The following CARNMT1 variants were observed in gnomAD, a reference collection of about 807,000 sequenced individuals.
CARNMT1 encodes protein-L-histidine N-pros-methyltransferase CARNMT1.
A neutral mutation model predicts 49.6 loss-of-function variants in CARNMT1; 28 were observed. That is an observed-to-expected ratio of 0.56 (90% CI 0.42 to 0.77). The LOEUF is 0.77. Among genes scored for constraint, CARNMT1 ranks in the 30% least tolerant of loss-of-function variants. The pLI is 0.00. For missense variants in CARNMT1, 421 were observed against 512.6 expected (o/e 0.82, Z 1.73); for synonymous variants, 178 against 175.0 (o/e 1.02, Z -0.13).
chr9:75,027,964 A>G (rs771098791), intron 1 of CARNMT1, 48 bp downstream of exon 1: 7 of 1,507,232 alleles, frequency 4.6e-6, no homozygotes, highest in African/African-American at 1.5e-5. Flanking sequence ...CGCCGCCACC[A>G]GTGGGCGCCC....
intron 3 of CARNMT1, among the ~76,000 whole-genome samples, chr9:75,002,074 CTAA>C (rs1277122767): frequency 6.6e-6 from 1 of 152,086 alleles, no homozygotes; most frequent in East Asian, 1.9e-4. Context: ...TGTGACCTCC[CTAA>C]TAACAGGAGG....
At chr9:75,022,221 T>TC (rs1171993831) in intron 1 of CARNMT1, among the ~76,000 whole-genome samples, 1 of 132,174 alleles carries the variant, frequency 7.6e-6, no homozygotes, top group African/African-American at 2.8e-5. Context: ...TACTTTTTTT[T>TC]TTTTTTTTTT....
intron 1 of CARNMT1, among the ~76,000 whole-genome samples, chr9:75,027,807 G>C (rs944847441): frequency 6.6e-6 from 1 of 152,218 alleles, no homozygotes; most frequent in Non-Finnish European, 1.5e-5. Flanking sequence ...TGCAGCAGAC[G>C]GCGCGGCGGA....
At chr9:75,028,328 G>C (rs896145139), upstream of CARNMT1, 1 of 1,312,118 alleles carries the variant, frequency 7.6e-7, no homozygotes, top group Non-Finnish European at 9.6e-7. Context: ...TCTAGACGGC[G>C]CCCGCCGCGG....
chr9:74,989,412 G>GT (rs373769846), intron 6 of CARNMT1, among the ~76,000 whole-genome samples: 10 of 152,220 alleles, frequency 6.6e-5, no homozygotes, highest in South Asian at 2.1e-4. Context: ...ACGTCATCCA[G>GT]TTTTTTTATT....
intron 1 of CARNMT1, chr9:75,027,200 T>G: frequency 8.5e-7 from 1 of 1,169,954 alleles, no homozygotes; most frequent in East Asian, 5.8e-5. Flanking sequence ...GAATTATAAT[T>G]TTGTGATTAA....
intron 3 of CARNMT1, among the ~76,000 whole-genome samples, chr9:75,011,579 GT>G (rs1833691960): frequency 1.3e-5 from 2 of 152,148 alleles, no homozygotes; most frequent in Admixed American, 6.5e-5. Flanking sequence ...CATTGCCCAA[GT>G]TGGTCTTGAA....
chr9:75,021,423 GTATAAATAGTATATATAA>G (rs1448364085), intron 1 of CARNMT1, among the ~76,000 whole-genome samples: 5 of 144,236 alleles, frequency 3.5e-5, no homozygotes, highest in Admixed American at 7.0e-5. Flanking sequence ...ACTATATATA[GTATAAATAGTATATATAA>G]TATAAATAGT....
At chr9:75,027,296 C>T in intron 1 of CARNMT1, 1 of 634,860 alleles carries the variant, frequency 1.6e-6, no homozygotes, top group Non-Finnish European at 2.0e-6. Flanking sequence ...ACCACAGTGC[C>T]TAGCACACCA....
chr9:75,004,338 G>C (rs1833444372), intron 3 of CARNMT1, among the ~76,000 whole-genome samples: 1 of 152,098 alleles, frequency 6.6e-6, no homozygotes, highest in South Asian at 2.1e-4. Context: ...TCTTAACGTG[G>C]TTTTTACATT....
chr9:74,996,385 G>A, intron 6 of CARNMT1, 62 bp downstream of exon 6: 6 of 801,716 alleles, frequency 7.5e-6, no homozygotes, highest in Non-Finnish European at 1.2e-5. Context: ...GAAGTTAAAT[G>A]TAATACAGCT....
Position 74,996,565 on chromosome 9 carries a change from T to C in CARNMT1, c.911-5A>G, listed in dbSNP as rs747018816. ...TAGCAATACAGTCCCAGGTATCTAA[T>C]GAAGAAAAATCAAATTACTGCATCT... On this transcript the variant is annotated splice_region_variant and splice_polypyrimidine_tract_variant and intron_variant, in intron 5 of 7. Coordinates refer to ENST00000376834, the MANE Select transcript of CARNMT1 (RefSeq NM_152420.3). The C allele has an allele frequency of 4.0e-6, 6 of 1,512,404 alleles. No individual in the cohort carries two copies. In the Admixed American group the frequency reaches 1.3e-4, roughly 32 times the overall value. The allele number at this position is 1,512,404 out of a possible 1,614,324, so 93.7% of individuals were successfully genotyped here. A position where few individuals can be genotyped will look rare whatever the true frequency, so the allele number is the denominator to read the frequency against.
chr9:74,985,547 G>C (rs1364393211), intron 6 of CARNMT1, among the ~76,000 whole-genome samples: 1 of 151,578 alleles, frequency 6.6e-6, no homozygotes, highest in African/African-American at 2.4e-5. Context: ...TGTGTCTGTG[G>C]GCAATTCAAT....
chr9:75,027,418 C>G (rs889282581), intron 1 of CARNMT1: 2 of 985,228 alleles, frequency 2.0e-6, no homozygotes, highest in Admixed American at 1.2e-4. Flanking sequence ...GGACCACTTC[C>G]GCCCTTAATC....
chr9:74,987,888 CT>C (rs1192068874), intron 6 of CARNMT1, among the ~76,000 whole-genome samples: 1 of 151,954 alleles, frequency 6.6e-6, no homozygotes, highest in Non-Finnish European at 1.5e-5. Flanking sequence ...GAATTTGCAT[CT>C]CTTTGAGGCT....
chr9:75,014,965 C>A (rs1006528871), intron 3 of CARNMT1, among the ~76,000 whole-genome samples: 2 of 152,072 alleles, frequency 1.3e-5, no homozygotes, highest in Admixed American at 1.3e-4. Context: ...TCAATCAATA[C>A]GGAGGCAAAG....
chr9:75,016,268 C>T lies in CARNMT1; in HGVS notation c.590G>A (p.Trp197Ter). 6.2e-7 allele frequency: 1 copy of T among 1,609,514 alleles called. No homozygotes were observed. Among genetic ancestry groups the T allele is most frequent in the South Asian group, 1.1e-5 (1 of 90,464 alleles). ...EILKNFPKER[W>*]DPSKVNILVP... Reference sequence around the variant, plus strand: ...TGGTTAAAAATGAGGTACTATTTACCATCTCTCTTTTGGAAAATTTTTTAA... The same window carrying T: ...TGGTTAAAAATGAGGTACTATTTACTATCTCTCTTTTGGAAAATTTTTTAA... The change falls in exon 3 of 8, where the codon TGG becomes TAG. Residue 197 changes from tryptophan (W) to a stop codon, truncating the protein, a stop_gained and splice_region_variant. Coordinates refer to ENST00000376834, the MANE Select transcript of CARNMT1 (RefSeq NM_152420.3). LOFTEE classifies it high-confidence loss of function.
rs1832774071 is a variant in CARNMT1 at position 74,984,617 on chromosome 9, G to A, written c.1128+290C>T. Among the ~76,000 whole-genome samples, 2 of 152,008 alleles carry A rather than the reference G, an allele frequency of 1.3e-5. 1 individual carries two copies. The highest frequency in any genetic ancestry group is 4.1e-4 in the South Asian group (2 of 4,830). On this transcript the variant is annotated intron_variant, in intron 7 of 7. Transcript: ENST00000376834. ...AAAATATTGTATCAAATTACCTTCG[G>A]GCTATGCTTATAAGGCATATATAAA...
chr9:75,001,559 A>C (rs990662618), intron 3 of CARNMT1, among the ~76,000 whole-genome samples: 7 of 152,234 alleles, frequency 4.6e-5, no homozygotes, highest in Non-Finnish European at 1.0e-4. Flanking sequence ...AATTACTGGC[A>C]TTATGACAAA....
Sources: gnomAD v4.1 joint callset for allele counts (sites outside exome capture counted in the v4.1 genomes callset) on GRCh38, gnomAD v4.1.1 for gene constraint, MANE v1.5 for transcripts, NCBI Gene and HGNC (gene_info 2026-07-23, HGNC 2026-07-21) for gene names.